The following SHLD1 variants were observed in gnomAD, a reference collection of about 807,000 sequenced individuals.
The protein encoded by SHLD1 is shieldin complex subunit 1, also known as RINN1-REV7-interacting novel NHEJ regulator 3.
In SHLD1, 3 loss-of-function variants were observed where a neutral mutation model predicts 5.5. The ratio of observed to expected loss-of-function variants is 0.54; its 90% CI spans 0.25 to 1.40. The LOEUF is 1.40. Ranked by LOEUF, SHLD1 falls within the 40% of genes most tolerant of loss-of-function variation. SHLD1 has a pLI of 0.15. For missense variants in SHLD1, 210 were observed against 244.4 expected (o/e 0.86, Z 0.94); for synonymous variants, 92 against 94.3 (o/e 0.98, Z 0.14).
chr20:5,811,872 G>T (rs1345625970), intron 2 of SHLD1, among the ~76,000 whole-genome samples: 1 of 150,144 alleles, frequency 6.7e-6, no homozygotes, highest in African/African-American at 2.4e-5. Flanking sequence ...AAAAAAAAAT[G>T]AATTTGAACA....
intron 1 of SHLD1, among the ~76,000 whole-genome samples, chr20:5,767,952 G>A (rs373906541): frequency 2.7e-4 from 40 of 149,870 alleles, no homozygotes; most frequent in African/African-American, 7.6e-4. Context: ...GTCCTTTCCC[G>A]TTTACTCACT....
chr20:5,791,183 A>G (rs377343058), intron 2 of SHLD1, among the ~76,000 whole-genome samples: 6 of 152,292 alleles, frequency 3.9e-5, no homozygotes, highest in South Asian at 2.1e-4. Flanking sequence ...TAAAGCAGCC[A>G]TTATAAAAAT....
chr20:5,858,679 CA>C (rs1304041503), intron 2 of SHLD1, among the ~76,000 whole-genome samples: 1 of 152,054 alleles, frequency 6.6e-6, no homozygotes, highest in African/African-American at 2.4e-5. Context: ...ACCAAAAATA[CA>C]AAAAATTAGC....
intron 2 of SHLD1, among the ~76,000 whole-genome samples, chr20:5,853,116 A>T (rs1363015270): frequency 6.6e-6 from 1 of 152,250 alleles, no homozygotes; most frequent in Non-Finnish European, 1.5e-5. Context: ...GGTATCTACC[A>T]TGTGCCAGAC....
At chr20:5,783,406 T>G (rs573638945) in intron 2 of SHLD1, among the ~76,000 whole-genome samples, 1 of 152,118 alleles carries the variant, frequency 6.6e-6, no homozygotes, top group Non-Finnish European at 1.5e-5. Context: ...GTATTTTTAG[T>G]AGAGACAAGG....
chr20:5,779,976 T>TG (rs1473956927), intron 2 of SHLD1, among the ~76,000 whole-genome samples: 3 of 137,972 alleles, frequency 2.2e-5, no homozygotes, highest in Admixed American at 2.2e-4. Context: ...ATTTCTGTTT[T>TG]TTTTTTTTTT....
intron 2 of SHLD1, among the ~76,000 whole-genome samples, chr20:5,849,413 AT>A (rs1391518409): frequency 6.6e-6 from 1 of 152,210 alleles, no homozygotes; most frequent in Non-Finnish European, 1.5e-5. Flanking sequence ...CATAGGACAA[AT>A]CCGTGGAGGT....
intron 2 of SHLD1, among the ~76,000 whole-genome samples, chr20:5,853,957 A>G (rs901046952): frequency 2.7e-5 from 4 of 150,752 alleles, no homozygotes; most frequent in Admixed American, 1.3e-4. Context: ...TTCCTGCCTT[A>G]GCCTCCCGAG....
chr20:5,755,491 C>T (rs1387322365), intron 1 of SHLD1, among the ~76,000 whole-genome samples: 1 of 152,142 alleles, frequency 6.6e-6, no homozygotes, highest in Non-Finnish European at 1.5e-5. Flanking sequence ...AATTGTCTTC[C>T]ATGAAACTGG....
At chr20:5,840,430 A>C (rs1207825571) in intron 2 of SHLD1, among the ~76,000 whole-genome samples, 4 of 152,170 alleles carry the variant, frequency 2.6e-5, no homozygotes, top group African/African-American at 9.7e-5. Context: ...CTTTGAATTC[A>C]GATCTAGATT....
chr20:5,771,816 C>G (rs1985170898), intron 1 of SHLD1: 1 of 221,070 alleles, frequency 4.5e-6, no homozygotes, highest in Non-Finnish European at 9.1e-6. Context: ...TCTTAGTAGC[C>G]TAGGCATATG....
chr20:5,789,974 G>C lies in SHLD1; in HGVS notation c.178+16931G>C, dbSNP rs182711951. Among the ~76,000 whole-genome samples, 109 of 152,324 alleles carry C rather than the reference G, an allele frequency of 7.2e-4. 1 individual carries two copies. The East Asian group carries it at 0.014, about 19-fold the overall frequency. ...GGGGAGATTAATAGGAGGCCACTAAGTAGCCAGAGGAAGTGCTCACCTTCA... is the reference window on the plus strand; with the variant it reads ...GGGGAGATTAATAGGAGGCCACTAACTAGCCAGAGGAAGTGCTCACCTTCA... On this transcript the variant is annotated intron_variant, in intron 2 of 2. Transcript: ENST00000303142.
intron 2 of SHLD1, among the ~76,000 whole-genome samples, chr20:5,844,135 G>C (rs1300267330): frequency 6.6e-6 from 1 of 152,202 alleles, no homozygotes; most frequent in Non-Finnish European, 1.5e-5. Context: ...TGGGTGTTGA[G>C]AGTGATCTCC....
chr20:5,750,661 A>C (rs1460873731), intron 1 of SHLD1, among the ~76,000 whole-genome samples, 182 bp downstream of exon 1: 1 of 151,564 alleles, frequency 6.6e-6, no homozygotes, highest in Non-Finnish European at 1.5e-5. Flanking sequence ...GCTTTGGGGA[A>C]TTTTGGGAAT....
chr20:5,793,149 A>T (rs2087166212), intron 2 of SHLD1, among the ~76,000 whole-genome samples: 1 of 152,134 alleles, frequency 6.6e-6, no homozygotes, highest in Non-Finnish European at 1.5e-5. Flanking sequence ...GTCTGTCTTT[A>T]TGACAGTGCC....
intron 2 of SHLD1, among the ~76,000 whole-genome samples, chr20:5,814,251 C>A (rs1000714957): frequency 1.3e-5 from 2 of 151,980 alleles, no homozygotes; most frequent in Non-Finnish European, 2.9e-5. Flanking sequence ...CCACCGCGCC[C>A]GACCCCTCAA....
chr20:5,862,602 T>A (rs1026814878), intron 2 of SHLD1, among the ~76,000 whole-genome samples: 7 of 152,210 alleles, frequency 4.6e-5, no homozygotes, highest in African/African-American at 1.7e-4. Flanking sequence ...AGTCCCAAGT[T>A]TTTCCTGTAA....
intron 1 of SHLD1, among the ~76,000 whole-genome samples, chr20:5,770,683 A>G (rs1985105689): frequency 6.6e-6 from 1 of 152,194 alleles, no homozygotes; most frequent in Non-Finnish European, 1.5e-5. Flanking sequence ...GTGCTATTGC[A>G]TCAGCAATAG....
intron 2 of SHLD1, among the ~76,000 whole-genome samples, chr20:5,795,469 C>G (rs577863166): frequency 2.5e-4 from 38 of 151,876 alleles, no homozygotes; most frequent in African/African-American, 8.7e-4. Flanking sequence ...TGTGGTGGCA[C>G]GTGCCTGTAA....
Sources: gnomAD v4.1 joint callset for allele counts (sites outside exome capture counted in the v4.1 genomes callset) on GRCh38, gnomAD v4.1.1 for gene constraint, MANE v1.5 for transcripts, NCBI Gene and HGNC (gene_info 2026-07-23, HGNC 2026-07-21) for gene names.